The following C11orf65 variants were observed in gnomAD, a reference collection of about 807,000 sequenced individuals.
C11orf65 encodes the protein chromosome 11 open reading frame 65.
C11orf65 carries 38 observed loss-of-function variants against 35.3 expected under a neutral mutation model. That is an observed-to-expected ratio of 1.08 (90% CI 0.83 to 1.41). C11orf65 has a LOEUF of 1.41. Among genes scored for constraint, C11orf65 ranks in the 40% most tolerant of loss-of-function variants. The pLI is 0.00. For missense variants in C11orf65, 370 were observed against 367.1 expected, an observed-to-expected ratio of 1.01 and a Z score of -0.06; for synonymous variants, 105 against 114.4, an observed-to-expected ratio of 0.92 and a Z score of 0.53.
At chr11:108,443,421 C>T (rs2093192964) in intron 2 of C11orf65, among the ~76,000 whole-genome samples, 1 of 152,086 alleles carries the variant, frequency 6.6e-6, no homozygotes, top group Admixed American at 6.6e-5. Flanking sequence ...ATCAACGAAA[C>T]AGAAGGTTAA....
Position 108,461,497 on chromosome 11 carries a change from C to T in C11orf65, c.63G>A (p.Gln21=), listed in dbSNP as rs2093472721. ...AACTCACAAGGAAACTTTTCCAGGC[C>T]TGCTGAATGACTCTGGCAGCCTTAT... ...KQDKAARVIQ[Q]AWKSFLNVAI... is the part of the protein sequence containing the mutation. Residue 21 remains glutamine, a synonymous_variant, in exon 2 of 9, where the codon CAG becomes CAA. Transcript: ENST00000393084. 1.2e-5 allele frequency: 19 copies of T among 1,609,250 alleles called. No homozygotes were observed. Among genetic ancestry groups the T allele is most frequent in the Non-Finnish European group, 1.5e-5 (18 of 1,177,768 alleles).
rs768851138 is a variant in C11orf65, at chr11:108,354,004, C to T, written c.227-18712G>A. ...GCTGAAGTGGGAGGATTGTTTGAGCCCAGGAGTTTGAGTCCAGCCTAGGCA... is the reference window on the plus strand; with the variant it reads ...GCTGAAGTGGGAGGATTGTTTGAGCTCAGGAGTTTGAGTCCAGCCTAGGCA... On this transcript the variant is annotated intron_variant, in intron 2 of 3. Coordinates refer to the C11orf65 transcript ENST00000524755. The T allele has an allele frequency of 7.5e-4, 720 of 962,192 alleles. 6 individuals are homozygous for T. The highest frequency in any genetic ancestry group is 2.5e-3 in the South Asian group (187 of 75,912). The allele number at this position is 962,192 out of a possible 1,614,324, so 59.6% of individuals were successfully genotyped here. A position where few individuals can be genotyped will look rare whatever the true frequency, so the allele number is the denominator to read the frequency against.
intron 6 of C11orf65, among the ~76,000 whole-genome samples, chr11:108,320,410 G>T (rs888012049): frequency 6.6e-6 from 1 of 152,124 alleles, no homozygotes; most frequent in East Asian, 1.9e-4. Flanking sequence ...TTACAAACTT[G>T]TTTTGAGGCA....
chr11:108,459,942 G>T (rs1259658967), intron 2 of C11orf65, among the ~76,000 whole-genome samples: 1 of 152,104 alleles, frequency 6.6e-6, no homozygotes, highest in African/African-American at 2.4e-5. Flanking sequence ...TGATGTGTAT[G>T]TCAATCAAAA....
downstream of C11orf65, among the ~76,000 whole-genome samples, chr11:108,328,559 A>G (rs894614105): frequency 6.6e-6 from 1 of 152,284 alleles, no homozygotes; most frequent in East Asian, 1.9e-4. Flanking sequence ...TTGTCTTTAA[A>G]TTTTATAAAG....
intron 3 of C11orf65, among the ~76,000 whole-genome samples, chr11:108,426,779 A>T (rs1305207031): frequency 2.0e-5 from 3 of 152,200 alleles, no homozygotes; most frequent in African/African-American, 7.2e-5. Flanking sequence ...CCAAAACAGC[A>T]TGGTACTGAT....
intron 2 of C11orf65, among the ~76,000 whole-genome samples, chr11:108,360,037 G>A (rs1163764511): frequency 7.6e-4 from 115 of 151,856 alleles, no homozygotes; most frequent in African/African-American, 2.7e-3. Context: ...CAACAAAATT[G>A]ATAGACCGCT....
intron 2 of C11orf65, among the ~76,000 whole-genome samples, chr11:108,440,293 C>T (rs1185001125): frequency 6.6e-6 from 1 of 152,164 alleles, no homozygotes; most frequent in Non-Finnish European, 1.5e-5. Context: ...AGTGTAAAAA[C>T]AACCACCATT....
chr11:108,368,142 A>C (rs1368813513), intron 2 of C11orf65: 1 of 208,180 alleles, frequency 4.8e-6, no homozygotes, highest in Non-Finnish European at 9.8e-6. Context: ...AAGTTTATCA[A>C]ATTTACATAC....
chr11:108,353,970 G>C, intron 2 of C11orf65: 1 of 1,266,226 alleles, frequency 7.9e-7, no homozygotes, highest in Non-Finnish European at 1.1e-6. Context: ...AATCCCAGCT[G>C]CTCAAGAGGC....
intron 6 of C11orf65, among the ~76,000 whole-genome samples, chr11:108,323,818 T>C (rs1180648589): frequency 1.3e-5 from 2 of 152,190 alleles, no homozygotes; most frequent in Non-Finnish European, 2.9e-5. Context: ...GCTTATGCTC[T>C]CAGATTACAT....
chr11:108,405,061 G>A (rs909984269), intron 6 of C11orf65, among the ~76,000 whole-genome samples: 4 of 152,158 alleles, frequency 2.6e-5, no homozygotes, highest in African/African-American at 4.8e-5. Flanking sequence ...TTACTCATGC[G>A]GTCTTAAGAC....
Position 108,458,138 on chromosome 11 carries a change from T to C in C11orf65, c.81+3341A>G, listed in dbSNP as rs556405842. On this transcript the variant is annotated intron_variant, in intron 2 of 8. Coordinates refer to ENST00000393084, the MANE Select transcript of C11orf65 (RefSeq NM_152587.5). The stretch of plus-strand genomic sequence containing the variant: ...AATATCCTGATCTAATTTAAATTTA[T>C]TACTATTTTTGTTTTCTTCAGGTTC... 2.2e-4 allele frequency among the ~76,000 whole-genome samples: 33 copies of C among 152,220 alleles called. No homozygotes were observed. In the South Asian group the frequency reaches 3.5e-3, roughly 16 times the overall value.
intron 3 of C11orf65, 50 bp from the exon 4 acceptor site, chr11:108,407,199 G>A (rs1332305658): frequency 1.6e-6 from 2 of 1,258,626 alleles, no homozygotes; most frequent in Non-Finnish European, 2.2e-6. Context: ...GATTCTGTAT[G>A]TATCAATTCA....
intron 8 of C11orf65, among the ~76,000 whole-genome samples, chr11:108,383,700 C>T (rs1055515535): frequency 1.3e-5 from 2 of 152,168 alleles, no homozygotes; most frequent in African/African-American, 4.8e-5. Context: ...ACACATTATC[C>T]TCTTCTCCAA....
chr11:108,406,620 C>A (rs2092545638), intron 5 of C11orf65, 143 bp downstream of exon 5: 3 of 508,370 alleles, frequency 5.9e-6, no homozygotes, highest in African/African-American at 1.9e-5. Flanking sequence ...ATTAGCAACC[C>A]CTGAGTAGCT....
chr11:108,408,679 A>T (rs61482703), intron 3 of C11orf65, among the ~76,000 whole-genome samples: 1 of 55,652 alleles, frequency 1.8e-5, no homozygotes, highest in African/African-American at 7.9e-5. Flanking sequence ...CTCAATAAAT[A>T]AAATAAAATA....
At chr11:108,367,749 T>C (rs1219122262) in intron 2 of C11orf65, 4 of 217,374 alleles carry the variant, frequency 1.8e-5, no homozygotes, top group South Asian at 1.9e-4. Context: ...CCAGAACTTT[T>C]TGGACTATAA....
chr11:108,432,474 T>G (rs2093003555), intron 2 of C11orf65, among the ~76,000 whole-genome samples: 1 of 152,226 alleles, frequency 6.6e-6, no homozygotes, highest in Non-Finnish European at 1.5e-5. Context: ...CTAATATTTA[T>G]TGAGTGTTCA....
Sources: allele counts gnomAD v4.1 joint callset (sites outside exome capture counted in the v4.1 genomes callset), GRCh38; gene constraint gnomAD v4.1.1; transcripts MANE v1.5; gene names NCBI Gene and HGNC (gene_info 2026-07-23, HGNC 2026-07-21).